Variants in MYO18B observed in about 807,000 individuals in gnomAD.
MYO18B encodes myosin XVIIIB.
A neutral mutation model predicts 273.0 loss-of-function variants in MYO18B; 204 were observed. The observed-to-expected ratio is 0.75, with a 90% CI of 0.67 to 0.84. The LOEUF (loss-of-function observed/expected upper bound fraction) is 0.84. MYO18B is among the 40% of genes least tolerant of loss of function. The pLI is 0.00. For synonymous variants in MYO18B, 1,330 were observed against 1,305.7 expected, an observed-to-expected ratio of 1.02 and a Z score of -0.40; for missense variants, 3,212 against 3,287.6, an observed-to-expected ratio of 0.98 and a Z score of 0.56.
chr22:25,946,155 A>C lies in MYO18B; in HGVS notation c.5536A>C (p.Lys1846Gln), dbSNP rs1224618893. Reference sequence around the variant, plus strand: ...GGTCCAGCTGGAGCAGAGTGAAGCCAAGTGTGAGGAGGCCTTGAAGACGCA... The same window carrying C: ...GGTCCAGCTGGAGCAGAGTGAAGCCCAGTGTGAGGAGGCCTTGAAGACGCA... ...VHSQLEQSEA[K>Q]CEEALKTQKV... Residue 1846 changes from lysine to glutamine, a missense_variant, in exon 35 of 44, where the codon AAG (lysine) becomes CAG (glutamine). Lys to Gln is a moderately conservative substitution (Grantham distance 53). Transcript: ENST00000335473. 1 of 1,555,670 alleles carries C rather than the reference A, an allele frequency of 6.4e-7. No individual in the cohort carries two copies. The highest frequency in any genetic ancestry group is 8.7e-7 in the Non-Finnish European group (1 of 1,155,350).
rs778023085 is a variant in MYO18B, at chr22:25,878,008, G to A, written c.4274G>A (p.Arg1425Gln). ...AAGCTAGAAAAATCAGAGAAGTTGC[G>A]GAATGAACTCCGGCAGAACACAGAT... ...RRKLEKSEKL[R>Q]NELRQNTDLL... The change falls in exon 25 of 44, where the codon CGG becomes CAG. Residue 1425 changes from arginine to glutamine, a missense_variant. Coordinates refer to ENST00000335473, the MANE Select transcript of MYO18B (RefSeq NM_032608.7). 4.2e-5 allele frequency: 67 copies of A among 1,584,962 alleles called. No homozygotes were observed. The highest frequency in any genetic ancestry group is 2.6e-4 in the African/African-American group (19 of 74,320).
intron 16 of MYO18B, among the ~76,000 whole-genome samples, chr22:25,834,313 T>C (rs2089821888): frequency 6.6e-6 from 1 of 151,870 alleles, no homozygotes; most frequent in South Asian, 2.1e-4. Context: ...CACCCACCCT[T>C]AACAACTATT....
chr22:25,744,913 C>T (rs1472266897), intron 1 of MYO18B, among the ~76,000 whole-genome samples: 1 of 152,008 alleles, frequency 6.6e-6, no homozygotes, highest in Non-Finnish European at 1.5e-5. Flanking sequence ...TTCAAGGACA[C>T]ACAGCCCTGC....
At chr22:25,805,950 G>A (rs1253010389) in intron 12 of MYO18B, among the ~76,000 whole-genome samples, 1 of 152,134 alleles carries the variant, frequency 6.6e-6, no homozygotes, top group Admixed American at 6.5e-5. Context: ...GCATTCCCTG[G>A]CCACCTTTAT....
chr22:25,901,217 A>G (rs1356851585), intron 29 of MYO18B: 1 of 152,226 alleles, frequency 6.6e-6, no homozygotes, highest in Non-Finnish European at 1.5e-5. Flanking sequence ...GTATTAAGGA[A>G]CACTGGATAG....
At chr22:25,766,579 A>T (rs1258484782) in intron 3 of MYO18B, among the ~76,000 whole-genome samples, 1 of 152,090 alleles carries the variant, frequency 6.6e-6, no homozygotes, top group Non-Finnish European at 1.5e-5. Flanking sequence ...GAGATAGAAG[A>T]GATATTTGAG....
At chr22:26,040,767 C>A in the MYO18B span, among the ~76,000 whole-genome samples, 1 of 152,130 alleles carries the variant, frequency 6.6e-6, no homozygotes, top group Non-Finnish European at 1.5e-5. Flanking sequence ...GTTTGAGCAC[C>A]TTTAAGGAGG....
At chr22:25,965,326 C>T (rs939863166) in intron 39 of MYO18B, among the ~76,000 whole-genome samples, 4 of 152,174 alleles carry the variant, frequency 2.6e-5, no homozygotes, top group African/African-American at 9.7e-5. Flanking sequence ...GGCCTTGTTC[C>T]CCTCCATATT....
intron 21 of MYO18B, among the ~76,000 whole-genome samples, chr22:25,857,390 A>G (rs2090603667): frequency 6.6e-6 from 1 of 152,118 alleles, no homozygotes; most frequent in Non-Finnish European, 1.5e-5. Flanking sequence ...GAAGAACATA[A>G]TTAAGGGCTG....
In MYO18B at chr22:26,003,331, C is replaced by T. The variant is rs373576666; in HGVS notation, c.6332+22C>T. 14 of 1,597,084 alleles carry T rather than the reference C, an allele frequency of 8.8e-6. No individual in the cohort carries two copies. In the African/African-American group the frequency reaches 1.3e-4, roughly 15 times the overall value. ...AGATGTAAGTTAACCCCAGGTAGAA[C>T]TGAGCAGCTCACAAGGGTGAGCCCC... On this transcript the variant is annotated intron_variant, in intron 41 of 43. Transcript: ENST00000335473.
chr22:25,959,796 C>T (rs2092898019), intron 39 of MYO18B, among the ~76,000 whole-genome samples: 2 of 152,144 alleles, frequency 1.3e-5, no homozygotes, highest in South Asian at 4.2e-4. Flanking sequence ...GCTGCAGGGT[C>T]AGAAAGGGCA....
At chr22:26,060,716 A>G in the MYO18B span, among the ~76,000 whole-genome samples, 1 of 152,174 alleles carries the variant, frequency 6.6e-6, no homozygotes, top group Non-Finnish European at 1.5e-5. Flanking sequence ...ACATGCACAC[A>G]TACATATACA....
At chr22:25,958,589 C>T (rs1243271373) in intron 39 of MYO18B, among the ~76,000 whole-genome samples, 1 of 152,144 alleles carries the variant, frequency 6.6e-6, no homozygotes, top group Non-Finnish European at 1.5e-5. Flanking sequence ...ATGAGCATGG[C>T]ACAGGGATAG....
intron 39 of MYO18B, among the ~76,000 whole-genome samples, chr22:25,965,861 C>T (rs2092972108): frequency 1.3e-5 from 2 of 152,196 alleles, no homozygotes; most frequent in African/African-American, 4.8e-5. Flanking sequence ...CCACTTCCTG[C>T]ACTCCTGTGA....
intron 32 of MYO18B, among the ~76,000 whole-genome samples, chr22:25,909,136 C>A (rs536278895): frequency 2.6e-5 from 4 of 152,208 alleles, no homozygotes; most frequent in African/African-American, 9.6e-5. Flanking sequence ...AGTTTTCTGC[C>A]CTTATAACCA....
Position 25,933,843 on chromosome 22 carries a change from G to A in MYO18B, c.5518-12294G>A, listed in dbSNP as rs117499934. The stretch of plus-strand genomic sequence containing the variant: ...GCAAATGTATGCATTTCTGTAGGGT[G>A]CATAACTAGAAGTGTGGTATCTCTG... On this transcript the variant is annotated intron_variant, in intron 34 of 43. Transcript: ENST00000335473. 1.5e-3 allele frequency among the ~76,000 whole-genome samples: 231 copies of A among 152,312 alleles called. 8 individuals carry two copies. The East Asian group carries it at 0.04, about 26-fold the overall frequency.
intron 11 of MYO18B, among the ~76,000 whole-genome samples, chr22:25,791,205 C>T (rs78964073): frequency 0.068 from 10,415 of 152,208 alleles, 494 homozygotes; most frequent in Non-Finnish European, 0.096. Context: ...TGAGGCCAAG[C>T]TGGGAGGAGG....
intron 12 of MYO18B, among the ~76,000 whole-genome samples, chr22:25,819,533 AAG>A (rs150399015): frequency 6.6e-6 from 1 of 151,064 alleles, no homozygotes; most frequent in African/African-American, 2.4e-5. Flanking sequence ...CTTCTTAACA[AAG>A]AGAGAGCAGA....
intron 3 of MYO18B, among the ~76,000 whole-genome samples, chr22:25,765,195 A>C (rs1250847372): frequency 1.3e-5 from 2 of 152,232 alleles, no homozygotes; most frequent in Non-Finnish European, 2.9e-5. Flanking sequence ...AGCCCACAGC[A>C]GGTGGCTGGA....
Sources: gnomAD v4.1 joint callset for allele counts (sites outside exome capture counted in the v4.1 genomes callset) on GRCh38, gnomAD v4.1.1 for gene constraint, MANE v1.5 for transcripts, NCBI Gene and HGNC (gene_info 2026-07-23, HGNC 2026-07-21) for gene names.